The following SPATA9 variants were observed in gnomAD, a reference collection of about 807,000 sequenced individuals.
SPATA9 encodes the protein spermatogenesis-associated protein 9.
A neutral mutation model predicts 25.5 loss-of-function variants in SPATA9; 27 were observed. The observed-to-expected ratio is 1.06, with a 90% CI of 0.78 to 1.46. The LOEUF is 1.46. SPATA9 is among the 40% of genes most tolerant of loss of function. SPATA9 has a pLI of 0.00. For synonymous variants in SPATA9, 102 were observed against 105.7 expected, an observed-to-expected ratio of 0.97 and a Z score of 0.21; for missense variants, 282 against 297.5, an observed-to-expected ratio of 0.95 and a Z score of 0.38.
intron 3 of SPATA9, among the ~76,000 whole-genome samples, chr5:95,667,918 A>G (rs905206950): frequency 3.3e-5 from 5 of 152,074 alleles, no homozygotes; most frequent in Non-Finnish European, 5.9e-5. Context: ...ATAAAAGTGT[A>G]TGGCCTCTCC....
At chr5:95,710,363 G>A in the SPATA9 span, among the ~76,000 whole-genome samples, 2 of 152,180 alleles carry the variant, frequency 1.3e-5, no homozygotes, top group African/African-American at 2.4e-5. Flanking sequence ...TGCAGGATGC[G>A]AGCATTTGAC....
intron 3 of SPATA9, among the ~76,000 whole-genome samples, chr5:95,671,548 T>A (rs1469416672): frequency 6.6e-6 from 1 of 152,116 alleles, no homozygotes; most frequent in Non-Finnish European, 1.5e-5. Flanking sequence ...TAGCTGGGAT[T>A]ACAGGTGCCT....
chr5:95,716,324 A>G, the SPATA9 span, among the ~76,000 whole-genome samples: 2 of 152,364 alleles, frequency 1.3e-5, no homozygotes, highest in Admixed American at 1.3e-4. Context: ...GAGCTGCCCA[A>G]TGCCATGGGA....
chr5:95,720,432 G>C, the SPATA9 span, among the ~76,000 whole-genome samples: 1 of 152,232 alleles, frequency 6.6e-6, no homozygotes, highest in South Asian at 2.1e-4. Context: ...ATTTATATTA[G>C]ATCATAGTGA....
At chr5:95,664,193 T>A in intron 3 of SPATA9, 145 bp from the exon 4 acceptor site, 1 of 455,444 alleles carries the variant, frequency 2.2e-6, no homozygotes, top group East Asian at 3.4e-5. Context: ...TTTCACATTG[T>A]GAAAATTATT....
Position 95,663,995 on chromosome 5 carries a change from T to C in SPATA9, c.432A>G (p.Leu144=). 1 of 1,599,810 alleles carries C rather than the reference T, an allele frequency of 6.3e-7. No individual in the cohort carries two copies. Among genetic ancestry groups the C allele is most frequent in the Non-Finnish European group, 8.5e-7 (1 of 1,171,474 alleles). Residue 144 remains leucine (L), a synonymous_variant, in exon 4 of 5, where the codon TTA becomes TTG. Coordinates refer to ENST00000274432, the MANE Select transcript of SPATA9 (RefSeq NM_031952.4). ...EIISFPAKTA[L]TSIIYASYAA... is the part of the protein sequence containing the mutation. Reference sequence around the variant, plus strand: ...CATATGAAGCATATATTATGCTAGTTAAAGCAGTCTTTGCTGGAAAGGAGA... The same window carrying C: ...CATATGAAGCATATATTATGCTAGTCAAAGCAGTCTTTGCTGGAAAGGAGA...
chr5:95,716,582 C>T, the SPATA9 span, among the ~76,000 whole-genome samples: 1 of 152,198 alleles, frequency 6.6e-6, no homozygotes, highest in Non-Finnish European at 1.5e-5. Context: ...CTTGCCTTAT[C>T]TCAGATGAGA....
At chr5:95,666,705 A>C (rs1751841696) in intron 3 of SPATA9, among the ~76,000 whole-genome samples, 1 of 149,722 alleles carries the variant, frequency 6.7e-6, no homozygotes, top group African/African-American at 2.5e-5. Context: ...TATCCTAGCA[A>C]GGGTGAGAAT....
intron 2 of SPATA9, among the ~76,000 whole-genome samples, chr5:95,682,137 C>T (rs1251745416): frequency 1.3e-5 from 2 of 152,186 alleles, no homozygotes; most frequent in African/African-American, 4.8e-5. Context: ...ATTAAACACA[C>T]ATCCATGTTG....
exon 9 of SPATA9, chr5:95,653,150 C>G (rs1289984123): frequency 6.4e-7 from 1 of 1,551,710 alleles, no homozygotes; most frequent in African/African-American, 1.4e-5. Context: ...GTTGGCATGT[C>G]TAGTTCATTT....
chr5:95,664,153 A>T (rs914332675), intron 3 of SPATA9, 105 bp from the exon 4 acceptor site: 2 of 582,776 alleles, frequency 3.4e-6, no homozygotes, highest in Non-Finnish European at 5.5e-6. Flanking sequence ...TTTCTAAAGA[A>T]AGTCATCTAC....
chr5:95,699,039 C>A (rs184371210), upstream of SPATA9, among the ~76,000 whole-genome samples: 3 of 152,264 alleles, frequency 2.0e-5, no homozygotes, highest in African/African-American at 4.8e-5. Context: ...TCAGCATGCA[C>A]CCTGCTCAGT....
the SPATA9 span, among the ~76,000 whole-genome samples, chr5:95,704,948 CT>C: frequency 0.015 from 2,149 of 142,062 alleles, 20 homozygotes; most frequent in Non-Finnish European, 0.02. Context: ...GGATAGAGTA[CT>C]TTTTTTTTTT....
downstream of SPATA9, chr5:95,656,058 C>G (rs750397884): frequency 6.2e-7 from 1 of 1,612,412 alleles, no homozygotes; most frequent in Non-Finnish European, 8.5e-7. Flanking sequence ...TTTTGATGGA[C>G]GACCGTGTAT....
chr5:95,693,245 C>T (rs1753933904), intron 1 of SPATA9, among the ~76,000 whole-genome samples: 1 of 152,172 alleles, frequency 6.6e-6, no homozygotes, highest in African/African-American at 2.4e-5. Flanking sequence ...CTAGAAATAT[C>T]CCCACCAGCA....
chr5:95,653,653 C>G (rs1487593245), downstream of SPATA9, among the ~76,000 whole-genome samples: 1 of 152,156 alleles, frequency 6.6e-6, no homozygotes, highest in African/African-American at 2.4e-5. Flanking sequence ...AATCCCAGCA[C>G]TTTGGGAGAC....
chr5:95,663,823 A>C, intron 4 of SPATA9, 130 bp downstream of exon 4: 1 of 485,320 alleles, frequency 2.1e-6, no homozygotes, highest in Non-Finnish European at 3.4e-6. Flanking sequence ...TTTTAATATA[A>C]AATTGTTTTG....
chr5:95,687,227 C>T (rs1368660127), upstream of SPATA9, among the ~76,000 whole-genome samples: 1 of 152,114 alleles, frequency 6.6e-6, no homozygotes, highest in African/African-American at 2.4e-5. Context: ...AGATTCAGGC[C>T]TTTGTAGAGA....
chr5:95,713,322 G>A, the SPATA9 span, among the ~76,000 whole-genome samples: 36 of 151,956 alleles, frequency 2.4e-4, no homozygotes, highest in Non-Finnish European at 4.9e-4. Flanking sequence ...ATCTCATGTC[G>A]AATTGTAATT....
Sources: allele counts gnomAD v4.1 joint callset (sites outside exome capture counted in the v4.1 genomes callset), GRCh38; gene constraint gnomAD v4.1.1; transcripts MANE v1.5; gene names NCBI Gene and HGNC (gene_info 2026-07-23, HGNC 2026-07-21).